The following BCAS3 variants were observed in gnomAD, a reference collection of about 807,000 sequenced individuals.
BCAS3 encodes the protein BCAS4/BCAS3 fusion.
Under a neutral mutation model 116.1 loss-of-function variants are expected in BCAS3, and 53 were observed. The ratio of observed to expected loss-of-function variants is 0.46; its 90% confidence interval spans 0.37 to 0.57. The LOEUF is 0.57. BCAS3 is among the 20% of genes least tolerant of loss of function. The probability of loss-of-function intolerance (pLI) is 0.00; values close to 1 mark genes in which losing one functional copy is unlikely to be tolerated. For synonymous variants in BCAS3, 391 were observed against 408.2 expected, an observed-to-expected ratio of 0.96 and a Z score of 0.51; for missense variants, 917 against 1,165.4, an observed-to-expected ratio of 0.79 and a Z score of 3.10.
chr17:61,148,412 C>G (rs944495327), intron 22 of BCAS3, among the ~76,000 whole-genome samples: 31 of 152,330 alleles, frequency 2.0e-4, no homozygotes, highest in African/African-American at 6.7e-4. Flanking sequence ...TTCAAAAACT[C>G]AGAGGCTACA....
Position 61,013,774 on chromosome 17 carries a change from T to C in BCAS3, c.1487-1977T>C, listed in dbSNP as rs565384079. On this transcript the variant is annotated intron_variant, in intron 15 of 23. Coordinates refer to ENST00000407086, the MANE Select transcript of BCAS3 (RefSeq NM_017679.5). This position sits in a 1 kb window ranked among gnomAD's most constrained non-coding sequence, Gnocchi z 4.4. ...CATTTATCAAAGGTTAACTTGATAG[T>C]TCTATAGAGTAATATAAAAGGATAG... is the stretch of plus-strand genomic sequence containing the variant. 1.2e-4 allele frequency among the ~76,000 whole-genome samples: 18 copies of C among 152,258 alleles called. No individual in the cohort carries two copies. Among genetic ancestry groups the C allele is most frequent in the African/African-American group, 3.6e-4 (15 of 41,564 alleles).
chr17:61,391,916 T>G lies in BCAS3; in HGVS notation c.2594-61T>G, dbSNP rs2060151671. 1.3e-6 allele frequency: 2 copies of G among 1,569,924 alleles called. No homozygotes were observed. The highest frequency in any genetic ancestry group is 2.7e-5 in the African/African-American group (2 of 73,906). ...CTCAAGGCAGGCAGCCTGGCCCAGA[T>G]GGTGCCCCCACTCCCCAGACCCAAC... On this transcript the variant is annotated intron_variant, in intron 23 of 23. Coordinates refer to ENST00000407086, the MANE Select transcript of BCAS3 (RefSeq NM_017679.5). The surrounding 1 kb of genome is among the most constrained non-coding windows in gnomAD (Gnocchi z 7.7).
intron 19 of BCAS3, among the ~76,000 whole-genome samples, chr17:61,059,036 C>A (rs1478748683): frequency 1.4e-5 from 2 of 142,142 alleles, no homozygotes; most frequent in Non-Finnish European, 3.0e-5. Context: ...AGGCAGATAA[C>A]CTCCCCGAAC....
intron 14 of BCAS3, among the ~76,000 whole-genome samples, chr17:60,958,794 A>T (rs1163262007): frequency 6.6e-6 from 1 of 152,258 alleles, no homozygotes; most frequent in Non-Finnish European, 1.5e-5. Flanking sequence ...AAGACTTACT[A>T]AAACTACAAT....
rs1445323203 is a variant in BCAS3, at chr17:61,200,308, C to T, written c.2425+115744C>T. 6.6e-6 allele frequency among the ~76,000 whole-genome samples: 1 copy of T among 152,186 alleles called. No individual in the cohort carries two copies. Among genetic ancestry groups the T allele is most frequent in the Non-Finnish European group, 1.5e-5 (1 of 68,030 alleles). On this transcript the variant is annotated intron_variant, in intron 22 of 23. Coordinates refer to ENST00000407086, the MANE Select transcript of BCAS3 (RefSeq NM_017679.5). The surrounding 1 kb of genome is among the most constrained non-coding windows in gnomAD (Gnocchi z 5.1). The stretch of plus-strand genomic sequence containing the variant: ...AATATTAATACAATTAGTTAGTTAG[C>T]TTATTATTCTTGCCTTACTGGGCAG...
At chr17:60,894,219 A>G (rs1370622212) in intron 10 of BCAS3, among the ~76,000 whole-genome samples, 1 of 151,892 alleles carries the variant, frequency 6.6e-6, no homozygotes, top group South Asian at 2.1e-4. Context: ...TGAGCTTGGG[A>G]TGTTTTTCCA....
chr17:61,328,933 C>T (rs1249060800), intron 22 of BCAS3, among the ~76,000 whole-genome samples: 7 of 133,518 alleles, frequency 5.2e-5, no homozygotes, highest in Admixed American at 8.8e-5. Context: ...CTTGCTCTGT[C>T]GCCCAGGCTG....
At chr17:60,803,726 A>G (rs2048011773) in intron 6 of BCAS3, among the ~76,000 whole-genome samples, 1 of 152,000 alleles carries the variant, frequency 6.6e-6, no homozygotes, top group Non-Finnish European at 1.5e-5. Flanking sequence ...AAAAAGCACA[A>G]AGTATATAAT....
At chr17:61,143,177 CTTGTT>C (rs2077013663) in intron 22 of BCAS3, among the ~76,000 whole-genome samples, 6 of 152,200 alleles carry the variant, frequency 3.9e-5, no homozygotes, top group Middle Eastern at 3.4e-3. Flanking sequence ...TTGCATTGTT[CTTGTT>C]AGTAAAAAAC....
chr17:60,921,852 G>C (rs2059120389), intron 12 of BCAS3, among the ~76,000 whole-genome samples: 1 of 151,768 alleles, frequency 6.6e-6, no homozygotes, highest in African/African-American at 2.4e-5. Flanking sequence ...AATAGAATTA[G>C]AGTGGCCATA....
intron 22 of BCAS3, among the ~76,000 whole-genome samples, chr17:61,212,270 G>C (rs73326852): frequency 0.085 from 12,930 of 151,924 alleles, 1,224 homozygotes; most frequent in African/African-American, 0.24. Context: ...TAGCGTCTCC[G>C]TCTGTCACCC....
chr17:61,391,860 C>G lies in BCAS3; in HGVS notation c.2594-117C>G. On this transcript the variant is annotated intron_variant, in intron 23 of 23. Transcript: ENST00000407086. The surrounding 1 kb of genome is among the most constrained non-coding windows in gnomAD (Gnocchi z 7.7). The stretch of plus-strand genomic sequence containing the variant: ...CAGGGAGCAGGCGGGGATCCCCCTG[C>G]GGAAGGACACAAGTGAACCCAGAAT... The G allele has an allele frequency of 8.8e-7, 1 of 1,132,090 alleles. No individual in the cohort carries two copies. The highest frequency in any genetic ancestry group is 1.3e-6 in the Non-Finnish European group (1 of 793,874). The allele number at this position is 1,132,090 out of a possible 1,614,324, so 70.1% of individuals were successfully genotyped here.
chr17:61,267,148 C>T (rs570356439), intron 22 of BCAS3, among the ~76,000 whole-genome samples: 1 of 152,168 alleles, frequency 6.6e-6, no homozygotes, highest in African/African-American at 2.4e-5. Context: ...AGCTCCGCCT[C>T]CCGGGTTCAC....
rs9897030 is a variant in BCAS3 at position 61,130,885 on chromosome 17, G to C, written c.2425+46321G>C. ...AAGCCTGGCCAACATGCAAAACCCC[G>C]TCTCTGCTAAAGATATAAAAATTAG... On this transcript the variant is annotated intron_variant, in intron 22 of 23. Coordinates refer to ENST00000407086, the MANE Select transcript of BCAS3 (RefSeq NM_017679.5). This position sits in a 1 kb window ranked among gnomAD's most constrained non-coding sequence, Gnocchi z 5.0. The C allele has an allele frequency of 1.3e-5, 2 of 152,198 alleles. No homozygotes were observed. Among genetic ancestry groups the C allele is most frequent in the Admixed American group, 6.5e-5 (1 of 15,274 alleles). The allele number at this position is 152,198 out of a possible 1,614,324, so 9.4% of individuals were successfully genotyped here.
At chr17:61,360,743 A>G (rs2058411461) in intron 22 of BCAS3, among the ~76,000 whole-genome samples, 1 of 152,228 alleles carries the variant, frequency 6.6e-6, no homozygotes, top group Non-Finnish European at 1.5e-5. Context: ...CCCATTTCCA[A>G]ATAAGGCCAC....
chr17:60,760,943 CA>C (rs1235825198), intron 6 of BCAS3, among the ~76,000 whole-genome samples: 1 of 151,954 alleles, frequency 6.6e-6, no homozygotes, highest in Non-Finnish European at 1.5e-5. Flanking sequence ...TGGATTATTT[CA>C]AAAGAACTGT....
chr17:61,374,627 C>G (rs576805982), intron 23 of BCAS3, among the ~76,000 whole-genome samples: 4 of 152,178 alleles, frequency 2.6e-5, no homozygotes, highest in African/African-American at 9.7e-5. Context: ...TCCTGCCTGC[C>G]GTCTCTTTAA....
intron 12 of BCAS3, among the ~76,000 whole-genome samples, chr17:60,911,241 G>C (rs1228966250): frequency 6.9e-6 from 1 of 145,106 alleles, no homozygotes; most frequent in Non-Finnish European, 1.5e-5. Flanking sequence ...TCCTGCCTCA[G>C]CCTCCCGAGT....
intron 6 of BCAS3, among the ~76,000 whole-genome samples, chr17:60,750,676 C>T (rs1473289373): frequency 6.6e-6 from 1 of 152,144 alleles, no homozygotes; most frequent in African/African-American, 2.4e-5. Flanking sequence ...TGCATTTTTC[C>T]AGCATCACAT....
Sources: gnomAD v4.1 joint callset for allele counts (sites outside exome capture counted in the v4.1 genomes callset) on GRCh38, gnomAD v4.1.1 for gene constraint, Gnocchi (gnomAD v3.1) non-coding constraint, MANE v1.5 for transcripts, NCBI Gene and HGNC (gene_info 2026-07-23, HGNC 2026-07-21) for gene names.